TMEM135: variants seen among roughly 807,000 people sequenced by gnomAD.
TMEM135 encodes the protein peroxisomal membrane protein 52.
In TMEM135, 30 loss-of-function variants were observed where a neutral mutation model predicts 60.3. That is an observed-to-expected ratio of 0.50 (90% CI 0.37 to 0.68). The LOEUF is 0.68. Among genes scored for constraint, TMEM135 ranks in the 30% least tolerant of loss-of-function variants. The pLI is 0.00. For missense variants in TMEM135, 468 were observed against 548.8 expected (o/e 0.85, Z 1.47); for synonymous variants, 190 against 186.7 (o/e 1.02, Z -0.14).
chr11:87,157,216 C>T (rs565801971), intron 4 of TMEM135, 125 bp from the exon 5 acceptor site: 29 of 855,018 alleles, frequency 3.4e-5, no homozygotes, highest in East Asian at 5.1e-5. Context: ...ACTTATTGAT[C>T]GTTCTCTAGA....
At chr11:87,119,086 A>C (rs975294049) in intron 4 of TMEM135, among the ~76,000 whole-genome samples, 1 of 152,208 alleles carries the variant, frequency 6.6e-6, no homozygotes, top group African/African-American at 2.4e-5. Context: ...AACTTGGCTC[A>C]CTGGAACAAG....
intron 1 of TMEM135, among the ~76,000 whole-genome samples, chr11:87,067,190 G>A (rs1856683072): frequency 6.9e-6 from 1 of 144,040 alleles, no homozygotes; most frequent in African/African-American, 2.5e-5. Flanking sequence ...CACACACTAT[G>A]TATATATATA....
At chr11:87,306,303 A>C (rs1485712462) in intron 9 of TMEM135, among the ~76,000 whole-genome samples, 1 of 152,222 alleles carries the variant, frequency 6.6e-6, no homozygotes, top group East Asian at 1.9e-4. Context: ...AAAGTCATTA[A>C]AATTTGTACT....
At chr11:87,262,346 T>G in intron 6 of TMEM135, among the ~76,000 whole-genome samples, 1 of 152,178 alleles carries the variant, frequency 6.6e-6, no homozygotes, top group East Asian at 1.9e-4. Context: ...AAAGGCAGTA[T>G]CCATGTATTT....
At chr11:87,283,223 A>G (rs1234952688) in intron 6 of TMEM135, among the ~76,000 whole-genome samples, 1 of 151,984 alleles carries the variant, frequency 6.6e-6, no homozygotes, top group Non-Finnish European at 1.5e-5. Context: ...AATCCCAGCT[A>G]CTTGGGAGGC....
chr11:87,183,613 G>C (rs1261524557), intron 5 of TMEM135, among the ~76,000 whole-genome samples: 1 of 152,038 alleles, frequency 6.6e-6, no homozygotes, highest in African/African-American at 2.4e-5. Context: ...TGAAATGTAT[G>C]CATTGACACT....
chr11:87,125,424 G>A (rs1165956656), intron 4 of TMEM135, among the ~76,000 whole-genome samples: 6 of 152,100 alleles, frequency 3.9e-5, no homozygotes, highest in Admixed American at 1.3e-4. Flanking sequence ...AGTACACTCC[G>A]AATGATGTAA....
intron 1 of TMEM135, among the ~76,000 whole-genome samples, chr11:87,066,926 G>A (rs1173617095): frequency 4.0e-5 from 6 of 150,788 alleles, no homozygotes; most frequent in South Asian, 2.1e-4. Context: ...GACTACAGGC[G>A]CCCACCACCA....
chr11:87,179,578 A>T (rs774842349), intron 5 of TMEM135, among the ~76,000 whole-genome samples: 9 of 152,092 alleles, frequency 5.9e-5, no homozygotes, highest in Non-Finnish European at 1.0e-4. Context: ...TCTTTGTTTC[A>T]TCTTTTAAAT....
chr11:87,248,642 T>G (rs1941346741), intron 6 of TMEM135, among the ~76,000 whole-genome samples: 1 of 152,188 alleles, frequency 6.6e-6, no homozygotes, highest in Non-Finnish European at 1.5e-5. Flanking sequence ...TTTTTTCTAT[T>G]TCTATGAAGA....
intron 4 of TMEM135, among the ~76,000 whole-genome samples, chr11:87,129,212 A>T (rs1937829257): frequency 9.9e-6 from 1 of 100,738 alleles, no homozygotes; most frequent in Admixed American, 9.6e-5. Flanking sequence ...CTTATTCCTT[A>T]ATTTTTTTTT....
chr11:87,291,179 C>T (rs931415028), intron 6 of TMEM135, among the ~76,000 whole-genome samples: 2 of 152,132 alleles, frequency 1.3e-5, no homozygotes, highest in African/African-American at 4.8e-5. Flanking sequence ...TACTTGCTTC[C>T]TCAACATTAC....
chr11:87,292,716 A>T (rs1313478181), intron 6 of TMEM135, among the ~76,000 whole-genome samples: 1 of 152,240 alleles, frequency 6.6e-6, no homozygotes, highest in Non-Finnish European at 1.5e-5. Flanking sequence ...CCTCAATTAC[A>T]TTAACAAACC....
In TMEM135 at chr11:87,221,198, G is replaced by C. The variant is rs138423613; in HGVS notation, c.463-15440G>C. 1.6e-3 allele frequency among the ~76,000 whole-genome samples: 241 copies of C among 152,180 alleles called. 1 individual carries two copies. The highest frequency in any genetic ancestry group is 5.7e-3 in the African/African-American group (237 of 41,536). On this transcript the variant is annotated intron_variant, in intron 5 of 14. Coordinates refer to ENST00000305494, the MANE Select transcript of TMEM135 (RefSeq NM_022918.4). ...TTATCAGGTTGTGAACATAATTGAGGGGCTAAAATACCATATGAGGATTGC... is the reference window on the plus strand; with the variant it reads ...TTATCAGGTTGTGAACATAATTGAGCGGCTAAAATACCATATGAGGATTGC...
At chr11:87,157,094 A>T in intron 4 of TMEM135, among the ~76,000 whole-genome samples, 3 of 144,214 alleles carry the variant, frequency 2.1e-5, no homozygotes, top group South Asian at 2.2e-4. Context: ...TTTTTTAGAC[A>T]GGGTCTCACT....
chr11:87,133,735 T>A (rs1275575469), intron 4 of TMEM135, among the ~76,000 whole-genome samples: 1 of 152,148 alleles, frequency 6.6e-6, no homozygotes, highest in Non-Finnish European at 1.5e-5. Flanking sequence ...TGATCTGCTG[T>A]CACCATGGAT....
At chr11:87,118,263 A>G (rs556800813) in intron 4 of TMEM135, among the ~76,000 whole-genome samples, 68 of 152,256 alleles carry the variant, frequency 4.5e-4, no homozygotes, top group Admixed American at 1.4e-3. Context: ...TAAAGTCACC[A>G]GTTGTATGGA....
intron 1 of TMEM135, among the ~76,000 whole-genome samples, chr11:87,047,339 C>T (rs1013275267): frequency 3.3e-5 from 5 of 151,984 alleles, no homozygotes; most frequent in Non-Finnish European, 7.4e-5. Flanking sequence ...GGAACAGCTC[C>T]GGTCTACAGC....
intron 10 of TMEM135, among the ~76,000 whole-genome samples, chr11:87,311,324 A>G (rs1942638478): frequency 6.6e-6 from 1 of 152,004 alleles, no homozygotes; most frequent in Non-Finnish European, 1.5e-5. Flanking sequence ...GTTATGAAAT[A>G]TTACTAATAT....
Sources: allele counts gnomAD v4.1 joint callset (sites outside exome capture counted in the v4.1 genomes callset), GRCh38; gene constraint gnomAD v4.1.1; transcripts MANE v1.5; gene names NCBI Gene and HGNC (gene_info 2026-07-23, HGNC 2026-07-21).